CSMD1: variants seen among roughly 807,000 people sequenced by gnomAD.
CSMD1 encodes the protein CUB and Sushi multiple domains 1, also known as CUB and sushi domain-containing protein 1.
In CSMD1, 213 loss-of-function variants were observed where a neutral mutation model predicts 417.5. That is an observed-to-expected ratio of 0.51 (90% CI 0.46 to 0.57). CSMD1 has a LOEUF of 0.57. Ranked by LOEUF, CSMD1 falls within the 20% of genes least tolerant of loss-of-function variation. The pLI is 0.00. For synonymous variants in CSMD1, 2,862 were observed against 1,736.8 expected, an observed-to-expected ratio of 1.65 and a Z score of -16.11; for missense variants, 6,923 against 4,529.7, an observed-to-expected ratio of 1.53 and a Z score of -15.17.
chr8:3,581,867 C>T (rs1045516922), intron 9 of CSMD1, among the ~76,000 whole-genome samples: 5 of 152,192 alleles, frequency 3.3e-5, no homozygotes, highest in Non-Finnish European at 5.9e-5. Context: ...TATAGTGGCA[C>T]GATCTCTGCT....
chr8:3,550,752 C>A (rs1439001921), intron 10 of CSMD1, among the ~76,000 whole-genome samples: 1 of 152,156 alleles, frequency 6.6e-6, no homozygotes, highest in Non-Finnish European at 1.5e-5. Flanking sequence ...TCATGGCCAA[C>A]CAGGCTTGCA....
intron 5 of CSMD1, among the ~76,000 whole-genome samples, chr8:3,862,097 C>T (rs1479462180): frequency 4.6e-5 from 7 of 152,158 alleles, no homozygotes; most frequent in Admixed American, 1.3e-4. Flanking sequence ...AGTGAAAATA[C>T]ACTATCATTT....
intron 2 of CSMD1, among the ~76,000 whole-genome samples, chr8:4,471,379 A>T (rs1057176364): frequency 6.6e-6 from 1 of 152,138 alleles, no homozygotes; most frequent in Non-Finnish European, 1.5e-5. Context: ...GACTATTTCT[A>T]ATTTACTATT....
intron 1 of CSMD1, among the ~76,000 whole-genome samples, chr8:4,884,429 C>A (rs185984376): frequency 3.4e-4 from 52 of 151,998 alleles, no homozygotes. Flanking sequence ...TGTGCTTTTG[C>A]TTTTATCTGA....
At chr8:4,390,221 C>G (rs1803748337) in intron 3 of CSMD1, among the ~76,000 whole-genome samples, 1 of 152,080 alleles carries the variant, frequency 6.6e-6, no homozygotes, top group East Asian at 1.9e-4. Context: ...AGTCAGGTTT[C>G]CTCTTTTGTG....
At chr8:4,198,957 TA>T (rs11349353) in intron 3 of CSMD1, among the ~76,000 whole-genome samples, 45,364 of 151,870 alleles carry the variant, frequency 0.3, 8,044 homozygotes, top group African/African-American at 0.5. Flanking sequence ...TATCTTTTTT[TA>T]AGACAGTACT....
chr8:4,708,049 T>G (rs1275873372), intron 1 of CSMD1, among the ~76,000 whole-genome samples: 1 of 152,096 alleles, frequency 6.6e-6, no homozygotes, highest in African/African-American at 2.4e-5. Context: ...GCTCAAGTGA[T>G]CCTACTACCT....
At chr8:3,966,118 T>G (rs139020373) in intron 5 of CSMD1, among the ~76,000 whole-genome samples, 2 of 152,152 alleles carry the variant, frequency 1.3e-5, no homozygotes, top group African/African-American at 4.8e-5. Context: ...ATTTAGGGAA[T>G]AGGCTCCCAT....
At chr8:3,579,124 C>G (rs1800274313) in intron 9 of CSMD1, among the ~76,000 whole-genome samples, 4 of 152,130 alleles carry the variant, frequency 2.6e-5, no homozygotes, top group Non-Finnish European at 5.9e-5. Context: ...CCTGTAAACT[C>G]AAATTTCACT....
intron 5 of CSMD1, among the ~76,000 whole-genome samples, chr8:3,823,217 A>G: frequency 6.6e-6 from 1 of 152,140 alleles, no homozygotes; most frequent in East Asian, 1.9e-4. Context: ...GTGGGTTATT[A>G]GTTTAGGTCA....
chr8:4,910,724 T>TA (rs1471526556), intron 1 of CSMD1, among the ~76,000 whole-genome samples: 1 of 152,202 alleles, frequency 6.6e-6, no homozygotes, highest in Non-Finnish European at 1.5e-5. Context: ...TTGTAAGTGT[T>TA]AAAAAATAAT....
chr8:4,454,919 A>T (rs1799378066), intron 2 of CSMD1, among the ~76,000 whole-genome samples: 1 of 152,138 alleles, frequency 6.6e-6, no homozygotes, highest in South Asian at 2.1e-4. Context: ...TCTTACAAAC[A>T]CATCTCACTC....
At chr8:3,421,800 G>C (rs906442136) in intron 12 of CSMD1, among the ~76,000 whole-genome samples, 1 of 152,160 alleles carries the variant, frequency 6.6e-6, no homozygotes, top group Non-Finnish European at 1.5e-5. Context: ...ACCATGCCCA[G>C]GTAATTCTTG....
chr8:4,946,975 G>A (rs1237207812), intron 1 of CSMD1, among the ~76,000 whole-genome samples: 1 of 152,140 alleles, frequency 6.6e-6, no homozygotes, highest in African/African-American at 2.4e-5. Flanking sequence ...ATTTTGAGGA[G>A]TCAGTAATCA....
At chr8:4,076,206 G>A (rs1208389909) in intron 3 of CSMD1, among the ~76,000 whole-genome samples, 1 of 152,100 alleles carries the variant, frequency 6.6e-6, no homozygotes, top group Non-Finnish European at 1.5e-5. Context: ...AAGATCTAAT[G>A]GTTTTAGAAG....
chr8:4,174,765 A>ATGTGAGGGGGATGTGAGGGGGG (rs1355597489), intron 3 of CSMD1, among the ~76,000 whole-genome samples: 1 of 31,084 alleles, frequency 3.2e-5, no homozygotes, highest in Non-Finnish European at 6.1e-5. Context: ...TGTGAGGGGG[A>ATGTGAGGGGGATGTGAGGGGGG]GGGGAGGGAG....
At chr8:3,967,622 G>C (rs541321360) in intron 5 of CSMD1, among the ~76,000 whole-genome samples, 12 of 152,052 alleles carry the variant, frequency 7.9e-5, no homozygotes, top group Non-Finnish European at 1.6e-4. Flanking sequence ...ATTTTTACGT[G>C]CATTACTCAC....
intron 3 of CSMD1, among the ~76,000 whole-genome samples, chr8:4,173,307 G>C (rs1009347403): frequency 6.6e-6 from 1 of 152,164 alleles, no homozygotes; most frequent in African/African-American, 2.4e-5. Context: ...AATTGAAGTG[G>C]GAAATTTGTG....
chr8:4,893,727 T>C (rs1383748138), intron 1 of CSMD1, among the ~76,000 whole-genome samples: 2 of 152,158 alleles, frequency 1.3e-5, no homozygotes, highest in East Asian at 1.9e-4. Context: ...AAAGTCTTCT[T>C]CTGGACTACT....
Sources: allele counts gnomAD v4.1 joint callset (sites outside exome capture counted in the v4.1 genomes callset), GRCh38; gene constraint gnomAD v4.1.1; transcripts MANE v1.5; gene names NCBI Gene and HGNC (gene_info 2026-07-23, HGNC 2026-07-21).